GRM8: variants seen among roughly 807,000 people sequenced by gnomAD.
GRM8 encodes the protein glutamate metabotropic receptor 8, also known as metabotropic glutamate receptor 8.
In GRM8, 47 loss-of-function variants were observed where a neutral mutation model predicts 87.2. The ratio of observed to expected loss-of-function variants is 0.54; its 90% CI spans 0.43 to 0.69. The LOEUF (loss-of-function observed/expected upper bound fraction) is 0.69, where lower values mean the gene tolerates loss of function less well. Among genes scored for constraint, GRM8 ranks in the 30% least tolerant of loss-of-function variants. The pLI is 0.00. For missense variants in GRM8, 1,019 were observed against 1,139.2 expected (o/e 0.89, Z 1.52); for synonymous variants, 396 against 404.5 (o/e 0.98, Z 0.25).
Position 127,243,015 on chromosome 7 carries a change from A to G in GRM8, c.190T>C (p.Cys64Arg). The G allele has an allele frequency of 6.2e-7, 1 of 1,613,686 alleles. No individual in the cohort carries two copies. Among genetic ancestry groups the G allele is most frequent in the Non-Finnish European group, 8.5e-7 (1 of 1,179,874 alleles). Residue 64 changes from cysteine to arginine, a missense_variant, in exon 2 of 11, where the codon TGT becomes CGT. Coordinates refer to ENST00000339582, the MANE Select transcript of GRM8 (RefSeq NM_000845.3). ...VHAKGERGVPCGELKKEKGIH... is the reference protein window; with the variant it reads ...VHAKGERGVPRGELKKEKGIH... ...CCCTTTTCCTTCTTCAGCTCCCCAC[A>G]AGGCACCCCTCTCTCTCCCTTTGCG...
intron 8 of GRM8, among the ~76,000 whole-genome samples, chr7:126,603,002 C>A (rs545995705): frequency 6.8e-6 from 1 of 146,722 alleles, no homozygotes; most frequent in Non-Finnish European, 1.5e-5. Flanking sequence ...TACTGGCAAA[C>A]CGAATCCAGC....
chr7:127,086,334 T>G (rs1823497021), intron 3 of GRM8, among the ~76,000 whole-genome samples: 1 of 152,196 alleles, frequency 6.6e-6, no homozygotes, highest in South Asian at 2.1e-4. Context: ...TCTCCTGACC[T>G]CGTGATCTGC....
intron 3 of GRM8, among the ~76,000 whole-genome samples, chr7:126,990,156 G>C (rs1812508917): frequency 6.6e-6 from 1 of 152,060 alleles, no homozygotes; most frequent in South Asian, 2.1e-4. Flanking sequence ...AGACACTGTT[G>C]TTTGGCCAAC....
At chr7:126,441,454 T>C (rs1365866626) in intron 10 of GRM8, among the ~76,000 whole-genome samples, 1 of 152,058 alleles carries the variant, frequency 6.6e-6, no homozygotes, top group Admixed American at 6.6e-5. Context: ...TTCCTTTGTA[T>C]TGTTGAAAGA....
chr7:127,086,313 G>T (rs910046988), intron 3 of GRM8, among the ~76,000 whole-genome samples: 12 of 152,154 alleles, frequency 7.9e-5, no homozygotes, highest in African/African-American at 2.9e-4. Context: ...TATTAGCCAG[G>T]ATGGTCTCGA....
intron 3 of GRM8, among the ~76,000 whole-genome samples, chr7:126,930,929 T>C (rs909525155): frequency 1.3e-5 from 2 of 152,176 alleles, no homozygotes; most frequent in Non-Finnish European, 2.9e-5. Flanking sequence ...GGCACTCACA[T>C]ACCCCCTCAC....
chr7:126,734,396 A>C (rs1563135903), intron 7 of GRM8, among the ~76,000 whole-genome samples: 1 of 151,882 alleles, frequency 6.6e-6, no homozygotes. Context: ...ATTTTAAATA[A>C]TGATATACTA....
intron 3 of GRM8, among the ~76,000 whole-genome samples, chr7:127,046,676 G>A (rs1196166951): frequency 6.6e-6 from 1 of 151,948 alleles, no homozygotes; most frequent in African/African-American, 2.4e-5. Context: ...TATATCTAAC[G>A]GCCTTGAAAA....
intron 2 of GRM8, among the ~76,000 whole-genome samples, chr7:127,119,993 C>T (rs886459235): frequency 2.0e-5 from 3 of 152,126 alleles, no homozygotes; most frequent in Non-Finnish European, 4.4e-5. Context: ...CTTATTTGAC[C>T]TCTCTCTTAA....
chr7:127,051,739 CAAAAAAAAAAA>C (rs59713382), intron 3 of GRM8, among the ~76,000 whole-genome samples: 2 of 58,462 alleles, frequency 3.4e-5, no homozygotes, highest in Admixed American at 4.6e-4. Context: ...TAATGTTGAG[CAAAAAAAAAAA>C]AAAAAAAAAA....
intron 7 of GRM8, among the ~76,000 whole-genome samples, chr7:126,620,871 C>T (rs1220310742): frequency 6.6e-6 from 1 of 152,076 alleles, no homozygotes. Context: ...AAAAATTATA[C>T]ATCTCTTTGT....
chr7:126,890,795 T>C (rs1800924457), intron 6 of GRM8, among the ~76,000 whole-genome samples: 1 of 151,976 alleles, frequency 6.6e-6, no homozygotes, highest in Non-Finnish European at 1.5e-5. Flanking sequence ...GTGAAAACAA[T>C]TTCTACAGAA....
chr7:126,887,934 A>C (rs1800655345), intron 6 of GRM8, among the ~76,000 whole-genome samples: 1 of 152,052 alleles, frequency 6.6e-6, no homozygotes, highest in African/African-American at 2.4e-5. Flanking sequence ...TGCACCAATT[A>C]ATGAAACCCC....
At chr7:126,832,427 T>C (rs1204796682) in intron 6 of GRM8, among the ~76,000 whole-genome samples, 1 of 152,196 alleles carries the variant, frequency 6.6e-6, no homozygotes, top group Non-Finnish European at 1.5e-5. Flanking sequence ...CTATATATTC[T>C]GTATCTAAAC....
At chr7:126,700,264 C>T (rs1809791085) in intron 7 of GRM8, among the ~76,000 whole-genome samples, 1 of 152,016 alleles carries the variant, frequency 6.6e-6, no homozygotes, top group South Asian at 2.1e-4. Flanking sequence ...ATACTGGTAT[C>T]TGAAAGAAAC....
At chr7:127,058,788 A>G (rs1453431441) in intron 3 of GRM8, among the ~76,000 whole-genome samples, 1 of 152,204 alleles carries the variant, frequency 6.6e-6, no homozygotes, top group East Asian at 1.9e-4. Context: ...GTTAGCAACT[A>G]TGATAAACCT....
intron 9 of GRM8, among the ~76,000 whole-genome samples, chr7:126,459,101 C>A (rs1810112635): frequency 6.6e-6 from 1 of 150,486 alleles, no homozygotes; most frequent in Non-Finnish European, 1.5e-5. Flanking sequence ...ACTCATAAAC[C>A]ATATCATATT....
At position 126,610,651 on chromosome 7, in the gene GRM8, C is replaced by A. The variant is rs546262766; in HGVS notation, c.1358-1153G>T. 2.6e-5 allele frequency among the ~76,000 whole-genome samples: 4 copies of A among 152,238 alleles called. No homozygotes were observed. The East Asian group carries it at 7.7e-4, about 29-fold the overall frequency. On this transcript the variant is annotated intron_variant, in intron 7 of 10. Transcript: ENST00000339582. ...TTGTTTACCTAATTACCAGCCATCA[C>A]AAAATTGTAAAATATTTAACTTATC...
intron 8 of GRM8, among the ~76,000 whole-genome samples, chr7:126,585,210 A>C (rs61207606): frequency 0.024 from 3,708 of 152,294 alleles, 144 homozygotes; most frequent in African/African-American, 0.085. Flanking sequence ...AGAATATATA[A>C]GGAAGAAATT....
Sources: gnomAD v4.1 joint callset for allele counts (sites outside exome capture counted in the v4.1 genomes callset) on GRCh38, gnomAD v4.1.1 for gene constraint, MANE v1.5 for transcripts, NCBI Gene and HGNC (gene_info 2026-07-23, HGNC 2026-07-21) for gene names.